Variants in ENKUR observed in about 807,000 individuals in gnomAD.
The protein encoded by ENKUR is enkurin.
A neutral mutation model predicts 27.6 loss-of-function variants in ENKUR; 19 were observed. The ratio of observed to expected loss-of-function variants is 0.69; its 90% confidence interval spans 0.48 to 1.01. The LOEUF is 1.01. Ranked by LOEUF, ENKUR falls within the 50% of genes least tolerant of loss-of-function variation. ENKUR has a pLI of 0.00. For missense variants in ENKUR, 312 were observed against 310.5 expected, an observed-to-expected ratio of 1.00 and a Z score of -0.04; for synonymous variants, 117 against 96.9, an observed-to-expected ratio of 1.21 and a Z score of -1.22.
chr10:24,993,351 T>C (rs1849969538), intron 3 of ENKUR, among the ~76,000 whole-genome samples: 1 of 152,230 alleles, frequency 6.6e-6, no homozygotes, highest in Admixed American at 6.5e-5. Context: ...CAATATACTT[T>C]ATATAATTTA....
chr10:24,984,157 A>T lies in ENKUR; in HGVS notation c.*213T>A, dbSNP rs1849727382. 3 of 446,662 alleles carry T rather than the reference A, an allele frequency of 6.7e-6. 1 individual carries two copies. The highest frequency in any genetic ancestry group is 3.0e-4 in the Middle Eastern group (1 of 3,302). 27.7% of individuals were successfully genotyped at this position (446,662 alleles called of 1,614,324 possible). A position where few individuals can be genotyped will look rare whatever the true frequency, so the allele number is the denominator to read the frequency against. ...TGTCTTCTTAATTTTTCTTCCTCCA[A>T]ATAGAAGCCTTTCATCATATACAGT... is the stretch of plus-strand genomic sequence containing the variant. On this transcript the variant is annotated 3_prime_UTR_variant, in exon 6 of 6. Transcript: ENST00000331161.
chr10:25,060,543 C>T (rs535265429), intron 2 of ENKUR, among the ~76,000 whole-genome samples: 10 of 152,216 alleles, frequency 6.6e-5, no homozygotes, highest in Admixed American at 2.6e-4. Flanking sequence ...ATAAATACAC[C>T]GAAAATACGA....
At chr10:25,024,481 A>G in intron 2 of ENKUR, 2 of 1,614,220 alleles carry the variant, frequency 1.2e-6, no homozygotes, top group Non-Finnish European at 1.7e-6. Flanking sequence ...AAAAGCACAA[A>G]TAATTGGCAG....
At chr10:25,059,953 C>G in intron 2 of ENKUR, among the ~76,000 whole-genome samples, 1 of 152,296 alleles carries the variant, frequency 6.6e-6, no homozygotes, top group South Asian at 2.1e-4. Context: ...CATTTTGCCT[C>G]GGGCAGCCTT....
rs574956590 is a variant in ENKUR, at chr10:24,985,556, T to C, written c.595-651A>G. Among the ~76,000 whole-genome samples, 6 of 152,378 alleles carry C rather than the reference T, an allele frequency of 3.9e-5. No homozygotes were observed. The East Asian group carries it at 9.6e-4, about 24-fold the overall frequency. ...AGGTCATTAAATGTAACACACATGC[T>C]AATTCAATAATGTAGCTAACAGTTT... is the stretch of plus-strand genomic sequence containing the variant. On this transcript the variant is annotated intron_variant, in intron 4 of 5. Transcript: ENST00000331161.
At chr10:25,032,398 C>G (rs1026029090) in intron 2 of ENKUR, among the ~76,000 whole-genome samples, 16 of 152,012 alleles carry the variant, frequency 1.1e-4, no homozygotes, top group African/African-American at 3.6e-4. Flanking sequence ...TTGGCATGTA[C>G]TATTTCTGCT....
chr10:25,037,050 G>A (rs778637408), intron 2 of ENKUR, among the ~76,000 whole-genome samples: 5 of 152,210 alleles, frequency 3.3e-5, no homozygotes, highest in Non-Finnish European at 5.9e-5. Flanking sequence ...GGTGGCTGGA[G>A]GAGAGAGCAT....
intron 1 of ENKUR, among the ~76,000 whole-genome samples, chr10:25,011,993 C>A (rs985563922): frequency 6.6e-6 from 1 of 152,238 alleles, no homozygotes. Context: ...GGGCCCAGGG[C>A]CTTGCTGCTT....
At position 25,015,955 on chromosome 10, in the gene ENKUR, T is replaced by C. The variant is rs769165517; in HGVS notation, c.-19A>G. ...GATCCATGGCCACCAAATGACTCCT[T>C]AAAAGCTACTCTCCACAACTTTTTT... On this transcript the variant is annotated 5_prime_UTR_variant, in exon 1 of 6. Coordinates refer to ENST00000331161, the MANE Select transcript of ENKUR (RefSeq NM_145010.4). 1.9e-6 allele frequency: 3 copies of C among 1,601,360 alleles called. No homozygotes were observed. Among genetic ancestry groups the C allele is most frequent in the Non-Finnish European group, 2.6e-6 (3 of 1,173,666 alleles).
Position 25,025,787 on chromosome 10 carries a change from T to C in ENKUR, c.38-29918A>G, listed in dbSNP as rs559252442. 2.0e-3 allele frequency: 444 copies of C among 218,790 alleles called. 12 individuals carry two copies. The highest frequency in any genetic ancestry group is 6.6e-3 in the South Asian group (47 of 7,174). 13.6% of individuals were successfully genotyped at this position (218,790 alleles called of 1,614,324 possible). A position where few individuals can be genotyped will look rare whatever the true frequency, so the allele number is the denominator to read the frequency against. On this transcript the variant is annotated intron_variant, in intron 2 of 5. Coordinates refer to the ENKUR transcript ENST00000615958. ...GGTATACTATTTGGCGATTAAAATA[T>C]TTAAGCCCAGTTTTCAGGTACTACA... is the stretch of plus-strand genomic sequence containing the variant.
intron 2 of ENKUR, chr10:25,025,182 G>A (rs1226592029): frequency 2.5e-6 from 4 of 1,614,034 alleles, no homozygotes; most frequent in Non-Finnish European, 3.4e-6. Context: ...CAGATAGGGT[G>A]CAAGACAAAA....
intron 2 of ENKUR, chr10:25,023,077 G>C: frequency 1.3e-6 from 1 of 744,052 alleles, no homozygotes; most frequent in Non-Finnish European, 2.1e-6. Context: ...TGTACCATGG[G>C]CATGGTTATA....
At chr10:25,034,185 T>C (rs988455256) in intron 2 of ENKUR, among the ~76,000 whole-genome samples, 1 of 152,188 alleles carries the variant, frequency 6.6e-6, no homozygotes, top group Non-Finnish European at 1.5e-5. Flanking sequence ...GTGTTACAGA[T>C]TGTTTATATC....
At chr10:24,988,700 A>ATATATATG (rs1849853245) in intron 4 of ENKUR, among the ~76,000 whole-genome samples, 1 of 34,488 alleles carries the variant, frequency 2.9e-5, no homozygotes, top group African/African-American at 1.6e-4. Context: ...ATATATATAT[A>ATATATATG]TATATATATA....
chr10:25,047,860 G>T (rs1392457224), intron 2 of ENKUR, among the ~76,000 whole-genome samples: 1 of 152,160 alleles, frequency 6.6e-6, no homozygotes, highest in Non-Finnish European at 1.5e-5. Context: ...AGCATAAAAA[G>T]AAAGCATAAA....
At chr10:25,040,692 ACT>A (rs1334596438) in intron 2 of ENKUR, among the ~76,000 whole-genome samples, 6 of 152,268 alleles carry the variant, frequency 3.9e-5, no homozygotes. Flanking sequence ...TTCAAGAGGA[ACT>A]CACTTCAATC....
chr10:25,004,434 T>C (rs1850266108), intron 1 of ENKUR, among the ~76,000 whole-genome samples: 1 of 151,896 alleles, frequency 6.6e-6, no homozygotes, highest in Non-Finnish European at 1.5e-5. Flanking sequence ...ACCTCACCAG[T>C]ATCTTTTGAA....
intron 1 of ENKUR, among the ~76,000 whole-genome samples, chr10:25,006,547 A>G (rs1850318577): frequency 6.6e-6 from 1 of 152,248 alleles, no homozygotes; most frequent in Non-Finnish European, 1.5e-5. Flanking sequence ...GCAAACGTGC[A>G]TGATTGTGAA....
At chr10:25,004,693 A>G (rs1044836212) in intron 1 of ENKUR, among the ~76,000 whole-genome samples, 2 of 151,952 alleles carry the variant, frequency 1.3e-5, no homozygotes, top group African/African-American at 4.8e-5. Context: ...GTTTGCAAAA[A>G]TTTTCTCCCA....
Sources: gnomAD v4.1 joint callset for allele counts (sites outside exome capture counted in the v4.1 genomes callset) on GRCh38, gnomAD v4.1.1 for gene constraint, MANE v1.5 for transcripts, NCBI Gene and HGNC (gene_info 2026-07-23, HGNC 2026-07-21) for gene names.